Variants in NHS observed in about 807,000 individuals in gnomAD.
The protein encoded by NHS is NHS actin remodeling regulator.
In NHS, 5 loss-of-function variants were observed where a neutral mutation model predicts 72.5. The ratio of observed to expected loss-of-function variants is 0.07; its 90% CI spans 0.04 to 0.14. The LOEUF is 0.14. NHS is among the 10% of genes least tolerant of loss of function. NHS has a pLI of 1.00. For synonymous variants in NHS, 464 were observed against 547.7 expected, an observed-to-expected ratio of 0.85 and a Z score of 2.13; for missense variants, 1,072 against 1,355.7, an observed-to-expected ratio of 0.79 and a Z score of 3.29.
intron 1 of NHS, among the ~76,000 whole-genome samples, chrX:17,677,736 A>T (rs1264973906): frequency 8.9e-6 from 1 of 111,991 alleles, no homozygotes; most frequent in Non-Finnish European, 1.9e-5. Flanking sequence ...AATAAACTAC[A>T]GTGCACCCAC....
At chrX:17,666,073 T>C (rs1390413870) in intron 1 of NHS, among the ~76,000 whole-genome samples, 2 of 111,772 alleles carry the variant, frequency 1.8e-5, no homozygotes, top group East Asian at 5.6e-4. Flanking sequence ...ACCAATGGTG[T>C]GGGTTGTTTA....
chrX:17,521,366 CTT>C (rs766662277), intron 1 of NHS, among the ~76,000 whole-genome samples: 9 of 97,274 alleles, frequency 9.3e-5, no homozygotes, highest in Admixed American at 2.1e-4. Flanking sequence ...TCCCTTCCCT[CTT>C]TTTTTTTTTT....
At chrX:17,615,183 A>ATATACGTATATATATAC (rs34548387) in intron 1 of NHS, among the ~76,000 whole-genome samples, 2 of 88,722 alleles carry the variant, frequency 2.3e-5, no homozygotes, top group East Asian at 3.6e-4. Flanking sequence ...GTATATATAT[A>ATATACGTATATATATAC]GTATATATAC....
chrX:17,544,116 G>A (rs1185029998), intron 1 of NHS, among the ~76,000 whole-genome samples: 1 of 112,504 alleles, frequency 8.9e-6, no homozygotes, highest in Non-Finnish European at 1.9e-5. Flanking sequence ...CAGCCAGGCA[G>A]ACGCTATGCT....
chrX:17,656,223 T>C (rs2065954426), intron 1 of NHS, among the ~76,000 whole-genome samples: 1 of 112,853 alleles, frequency 8.9e-6, no homozygotes, highest in African/African-American at 3.2e-5. Flanking sequence ...CGGTAGGATT[T>C]CTGCACCAGG....
intron 3 of NHS, among the ~76,000 whole-genome samples, chrX:17,708,809 A>C (rs1001063400): frequency 1.8e-5 from 2 of 111,369 alleles, no homozygotes; most frequent in Non-Finnish European, 3.8e-5. Flanking sequence ...GGGTGTGTCA[A>C]TAGAGGGCAC....
chrX:17,404,037 G>A (rs1299912604), intron 1 of NHS, among the ~76,000 whole-genome samples: 3 of 112,455 alleles, frequency 2.7e-5, no homozygotes, highest in African/African-American at 9.7e-5. Context: ...GTTTGCTTGT[G>A]TGTGGCTGCT....
intron 1 of NHS, among the ~76,000 whole-genome samples, chrX:17,434,735 G>T (rs1180965613): frequency 9.0e-6 from 1 of 111,254 alleles, no homozygotes; most frequent in Admixed American, 9.5e-5. Context: ...GAGCCACCAC[G>T]CCCGGCCTCA....
At chrX:17,673,485 A>T (rs189904665) in intron 1 of NHS, among the ~76,000 whole-genome samples, 9 of 111,650 alleles carry the variant, frequency 8.1e-5, no homozygotes, top group Non-Finnish European at 1.5e-4. Context: ...CGAGCAAGCA[A>T]CTTAACCTTT....
intron 3 of NHS, among the ~76,000 whole-genome samples, chrX:17,693,128 G>A (rs781709739): frequency 3.6e-5 from 4 of 112,435 alleles, no homozygotes; most frequent in Non-Finnish European, 7.5e-5. Flanking sequence ...TGACGTCATC[G>A]CCTCTGGGGC....
At chrX:17,686,211 T>C (rs947160469) in intron 1 of NHS, among the ~76,000 whole-genome samples, 30 of 112,573 alleles carry the variant, frequency 2.7e-4, no homozygotes, top group African/African-American at 9.4e-4. Flanking sequence ...AAGTCTAGGT[T>C]GATGCCCAGG....
At chrX:17,493,664 G>A (rs992324733) in intron 1 of NHS, among the ~76,000 whole-genome samples, 1 of 111,528 alleles carries the variant, frequency 9.0e-6, no homozygotes, top group African/African-American at 3.3e-5. Flanking sequence ...TCAAAAGTAG[G>A]GTCCCTGTAC....
Position 17,734,180 on chromosome X carries a change from G to C in NHS, c.*1716G>C, listed in dbSNP as rs2066506653. 1 of 112,113 alleles carries C rather than the reference G, an allele frequency of 8.9e-6. No individual in the cohort carries two copies. The highest frequency in any genetic ancestry group is 1.9e-5 in the Non-Finnish European group (1 of 53,234). The allele number at this position is 112,113 out of a possible 1,213,427, so 9.2% of individuals were successfully genotyped here. The stretch of plus-strand genomic sequence containing the variant: ...AATGTTACCAAGAAATTGACAAGCT[G>C]CTGGCTTTAAGCTTATGCAAGTGGT... On this transcript the variant is annotated 3_prime_UTR_variant, in exon 9 of 9. Transcript: ENST00000676302.
chrX:17,525,995 AGTGT>A (rs773184295), intron 1 of NHS, among the ~76,000 whole-genome samples: 10 of 111,831 alleles, frequency 8.9e-5, no homozygotes, highest in Non-Finnish European at 1.7e-4. Flanking sequence ...GCCTTTCCCT[AGTGT>A]GTGTGTTCCT....
intron 1 of NHS, among the ~76,000 whole-genome samples, chrX:17,530,617 C>T (rs1316074458): frequency 9.0e-6 from 1 of 111,302 alleles, no homozygotes; most frequent in Non-Finnish European, 1.9e-5. Flanking sequence ...TTCAGACGCA[C>T]ATTAATGTTT....
At chrX:17,407,454 G>T (rs1384348891) in intron 1 of NHS, among the ~76,000 whole-genome samples, 1 of 111,394 alleles carries the variant, frequency 9.0e-6, no homozygotes. Flanking sequence ...GGTCTTTTAT[G>T]ATCTGGCTTT....
chrX:17,683,058 A>G (rs1412803723), intron 1 of NHS, among the ~76,000 whole-genome samples: 1 of 111,952 alleles, frequency 8.9e-6, no homozygotes, highest in Non-Finnish European at 1.9e-5. Context: ...TCCTTCCAAT[A>G]CATTACTATG....
chrX:17,716,891 C>T (rs2066367051), intron 3 of NHS, among the ~76,000 whole-genome samples: 1 of 109,983 alleles, frequency 9.1e-6, no homozygotes, highest in African/African-American at 3.3e-5. Flanking sequence ...CACCTGTTTG[C>T]ATGAAGATGG....
chrX:17,569,028 G>A (rs1170376913), intron 1 of NHS, among the ~76,000 whole-genome samples: 1 of 111,620 alleles, frequency 9.0e-6, no homozygotes, highest in African/African-American at 3.3e-5. Flanking sequence ...TTATTCCATG[G>A]TGTATATGTG....
Sources: gnomAD v4.1 joint callset for allele counts (sites outside exome capture counted in the v4.1 genomes callset) on GRCh38, gnomAD v4.1.1 for gene constraint, MANE v1.5 for transcripts, NCBI Gene and HGNC (gene_info 2026-07-23, HGNC 2026-07-21) for gene names.